The following LSAMP variants were observed in gnomAD, a reference collection of about 807,000 sequenced individuals.
LSAMP encodes limbic system associated membrane protein.
Under a neutral mutation model 38.6 loss-of-function variants are expected in LSAMP, and 7 were observed. The observed-to-expected ratio is 0.18, with a 90% CI of 0.10 to 0.34. The LOEUF (loss-of-function observed/expected upper bound fraction) is 0.34, where lower values mean the gene tolerates loss of function less well. Among genes scored for constraint, LSAMP ranks in the 10% least tolerant of loss-of-function variants. The pLI is 1.00. For synonymous variants in LSAMP, 154 were observed against 166.8 expected, an observed-to-expected ratio of 0.92 and a Z score of 0.59; for missense variants, 313 against 420.0, an observed-to-expected ratio of 0.75 and a Z score of 2.23.
chr3:116,314,683 G>A (rs2047604748), intron 1 of LSAMP, among the ~76,000 whole-genome samples: 1 of 152,122 alleles, frequency 6.6e-6, no homozygotes, highest in South Asian at 2.1e-4. Flanking sequence ...GAGCTCCCCT[G>A]CCTGCGTCTG....
intron 3 of LSAMP, among the ~76,000 whole-genome samples, chr3:115,955,648 T>C (rs1017171439): frequency 6.6e-6 from 1 of 152,172 alleles, no homozygotes; most frequent in African/African-American, 2.4e-5. Context: ...CAGGTAGTTG[T>C]GTGTGTGTGC....
chr3:116,155,560 C>T (rs1330797765), intron 1 of LSAMP, among the ~76,000 whole-genome samples: 1 of 151,860 alleles, frequency 6.6e-6, no homozygotes, highest in Non-Finnish European at 1.5e-5. Flanking sequence ...TTCATAATAC[C>T]TAGCATGTTG....
Position 116,232,699 on chromosome 3 carries a change from C to CTTTTTTTTTTTTTTTTTTTTTTTTT in LSAMP, c.156-146144_156-146143insAAAAAAAAAAAAAAAAAAAAAAAAA, listed in dbSNP as rs1219296323. On this transcript the variant is annotated intron_variant, in intron 1 of 6. Coordinates refer to ENST00000490035, the MANE Select transcript of LSAMP (RefSeq NM_002338.5). ...TTAATTTTCTTTTCTTTCTTTCTTT[C>CTTTTTTTTTTTTTTTTTTTTTTTTT]TTTTTTTTTTTTTTTTTCCAGCAGG... 3.6e-4 allele frequency among the ~76,000 whole-genome samples: 36 copies of CTTTTTTTTTTTTTTTTTTTTTTTTT among 99,450 alleles called. 1 individual carries two copies. The highest frequency in any genetic ancestry group is 5.6e-4 in the Non-Finnish European group (27 of 48,512). 65.2% of individuals were successfully genotyped at this position (99,450 alleles called of 152,430 possible).
At chr3:116,265,317 T>C (rs527402516) in intron 1 of LSAMP, among the ~76,000 whole-genome samples, 1 of 152,252 alleles carries the variant, frequency 6.6e-6, no homozygotes, top group East Asian at 1.9e-4. Flanking sequence ...TTGAAGTAGG[T>C]ATGGTTTGTG....
intron 3 of LSAMP, among the ~76,000 whole-genome samples, chr3:115,967,475 C>A (rs1372218046): frequency 1.3e-5 from 2 of 152,162 alleles, no homozygotes; most frequent in East Asian, 3.9e-4. Context: ...GCCCTCCAAA[C>A]TGTTCCAACC....
chr3:115,998,227 C>G (rs1336443585), intron 3 of LSAMP, among the ~76,000 whole-genome samples: 12 of 151,654 alleles, frequency 7.9e-5, no homozygotes, highest in Admixed American at 7.9e-4. Context: ...CATAATAATC[C>G]CTGGATTTCA....
chr3:115,925,572 G>A (rs574804478), intron 3 of LSAMP, among the ~76,000 whole-genome samples: 70 of 152,214 alleles, frequency 4.6e-4, no homozygotes, highest in Admixed American at 8.5e-4. Context: ...ATTGCAAACT[G>A]TATAACAATA....
chr3:116,010,308 C>T lies in LSAMP; in HGVS notation c.514+9207G>A, dbSNP rs540166115. Among the ~76,000 whole-genome samples, 105 of 152,328 alleles carry T rather than the reference C, an allele frequency of 6.9e-4. 1 individual carries two copies. The highest frequency in any genetic ancestry group is 1.0e-3 in the South Asian group (5 of 4,828). Reference sequence around the variant, plus strand: ...TGTAAAACTATAGTTTATGAAGACTCTGTTCTTTAAGTGTAAGCTTTAAGC... The same window carrying T: ...TGTAAAACTATAGTTTATGAAGACTTTGTTCTTTAAGTGTAAGCTTTAAGC... On this transcript the variant is annotated intron_variant, in intron 3 of 6. Coordinates refer to ENST00000490035, the MANE Select transcript of LSAMP (RefSeq NM_002338.5).
intron 1 of LSAMP, among the ~76,000 whole-genome samples, chr3:116,435,179 T>C (rs2049333457): frequency 6.6e-6 from 1 of 152,206 alleles, no homozygotes; most frequent in South Asian, 2.1e-4. Context: ...AAGTCATCCC[T>C]GGGTTACTAT....
intron 2 of LSAMP, among the ~76,000 whole-genome samples, chr3:116,024,024 A>C (rs1481345806): frequency 6.6e-6 from 1 of 152,104 alleles, no homozygotes; most frequent in Non-Finnish European, 1.5e-5. Context: ...TTTACGAAAG[A>C]CCTTCCTGTC....
intron 1 of LSAMP, among the ~76,000 whole-genome samples, chr3:116,236,481 C>T (rs369946318): frequency 1.3e-5 from 2 of 151,996 alleles, no homozygotes; most frequent in African/African-American, 2.4e-5. Context: ...CTTCATCTGA[C>T]CTTCATCTTG....
chr3:116,212,275 A>C (rs1468218280), intron 1 of LSAMP, among the ~76,000 whole-genome samples: 1 of 152,246 alleles, frequency 6.6e-6, no homozygotes, highest in Non-Finnish European at 1.5e-5. Context: ...ATTCAGGAGT[A>C]ATAAATTACT....
intron 1 of LSAMP, among the ~76,000 whole-genome samples, chr3:116,442,084 C>T (rs1242480380): frequency 6.6e-6 from 1 of 152,128 alleles, no homozygotes. Context: ...AAATTGAGGG[C>T]AAGACCTGAA....
chr3:116,318,200 T>C (rs1576123125), intron 1 of LSAMP, among the ~76,000 whole-genome samples: 1 of 151,564 alleles, frequency 6.6e-6, no homozygotes, highest in African/African-American at 2.4e-5. Context: ...CATGGCAAAG[T>C]GTGTCATGTC....
intron 3 of LSAMP, among the ~76,000 whole-genome samples, chr3:115,943,931 T>C (rs1411474512): frequency 6.6e-6 from 1 of 152,200 alleles, no homozygotes; most frequent in Non-Finnish European, 1.5e-5. Flanking sequence ...TGTAACAGGC[T>C]GATTTAGAAA....
intron 1 of LSAMP, among the ~76,000 whole-genome samples, chr3:116,313,298 G>A (rs1200994035): frequency 6.6e-6 from 1 of 152,148 alleles, no homozygotes; most frequent in Non-Finnish European, 1.5e-5. Context: ...TGCTGTCTGT[G>A]GAGGTATTTT....
chr3:116,061,621 T>G (rs1450640982), intron 2 of LSAMP, among the ~76,000 whole-genome samples: 2 of 152,222 alleles, frequency 1.3e-5, no homozygotes, highest in Non-Finnish European at 2.9e-5. Context: ...TCCAGTATTC[T>G]CCTTCCTTCC....
intron 2 of LSAMP, among the ~76,000 whole-genome samples, chr3:116,026,224 G>T (rs1456748146): frequency 2.6e-5 from 4 of 152,096 alleles, no homozygotes; most frequent in South Asian, 2.1e-4. Context: ...AGTCAGTCTG[G>T]CTCTGCCACC....
intron 1 of LSAMP, among the ~76,000 whole-genome samples, chr3:116,332,037 C>T (rs1019285826): frequency 6.6e-5 from 10 of 151,878 alleles, no homozygotes; most frequent in Non-Finnish European, 1.0e-4. Flanking sequence ...GATGGTGTCT[C>T]GGTAAGTTGT....
Sources: allele counts gnomAD v4.1 joint callset (sites outside exome capture counted in the v4.1 genomes callset), GRCh38; gene constraint gnomAD v4.1.1; transcripts MANE v1.5; gene names NCBI Gene and HGNC (gene_info 2026-07-23, HGNC 2026-07-21).